STRN3: variants seen among roughly 807,000 people sequenced by gnomAD.
STRN3 encodes striatin-3.
STRN3 carries 29 observed loss-of-function variants against 95.6 expected under a neutral mutation model. The observed-to-expected ratio is 0.30, with a 90% CI of 0.23 to 0.41. The LOEUF is 0.41. Among genes scored for constraint, STRN3 ranks in the 10% least tolerant of loss-of-function variants. STRN3 has a pLI of 1.00. For synonymous variants in STRN3, 331 were observed against 357.6 expected (o/e 0.93, Z 0.84); for missense variants, 890 against 972.1 (o/e 0.92, Z 1.12).
chr14:30,992,866 T>C (rs1441858046), intron 1 of STRN3, among the ~76,000 whole-genome samples: 1 of 151,252 alleles, frequency 6.6e-6, no homozygotes, highest in African/African-American at 2.4e-5. Flanking sequence ...ACAAACAAAA[T>C]AGTGGGGAGG....
intron 7 of STRN3, among the ~76,000 whole-genome samples, chr14:30,934,751 T>A (rs1485298154): frequency 1.3e-5 from 2 of 152,200 alleles, no homozygotes; most frequent in African/African-American, 2.4e-5. Flanking sequence ...GACTAATTAC[T>A]AATTCTAGTA....
chr14:30,904,255 C>T (rs562465531), intron 15 of STRN3, among the ~76,000 whole-genome samples: 3 of 152,314 alleles, frequency 2.0e-5, no homozygotes, highest in African/African-American at 7.2e-5. Flanking sequence ...CTATCAACAA[C>T]AACCAAAGTC....
chr14:31,005,644 T>C (rs1882678555), intron 1 of STRN3, among the ~76,000 whole-genome samples: 2 of 152,196 alleles, frequency 1.3e-5, no homozygotes, highest in African/African-American at 4.8e-5. Context: ...CACTAACAGA[T>C]GACTTGAAGA....
chr14:30,936,351 A>G (rs998633809), intron 6 of STRN3, 144 bp downstream of exon 6: 1 of 926,432 alleles, frequency 1.1e-6, no homozygotes, highest in African/African-American at 1.7e-5. Flanking sequence ...GTGTAATGCA[A>G]AAAGAGCTGA....
chr14:30,960,868 C>CA (rs56227331), intron 1 of STRN3, among the ~76,000 whole-genome samples: 10,956 of 47,236 alleles, frequency 0.23, 1,332 homozygotes, highest in East Asian at 0.39. Context: ...GACTCCATCT[C>CA]AAAAAAAAAA....
At chr14:31,002,364 C>T (rs1882501221) in intron 1 of STRN3, among the ~76,000 whole-genome samples, 1 of 150,124 alleles carries the variant, frequency 6.7e-6, no homozygotes, top group Non-Finnish European at 1.5e-5. Context: ...CCCATCTACT[C>T]AGGAGGCTAA....
intron 13 of STRN3, among the ~76,000 whole-genome samples, chr14:30,910,100 C>CT (rs762060234): frequency 8.1e-4 from 124 of 152,268 alleles, no homozygotes; most frequent in Non-Finnish European, 1.4e-3. Context: ...ACACAGTCAC[C>CT]TTTTTAAAAC....
intron 1 of STRN3, 149 bp from the exon 2 acceptor site, chr14:30,956,391 A>G (rs536749726): frequency 5.6e-6 from 4 of 714,494 alleles, no homozygotes; most frequent in African/African-American, 5.3e-5. Flanking sequence ...AATGGCTCAC[A>G]CCTGTAATCT....
intron 1 of STRN3, among the ~76,000 whole-genome samples, chr14:30,995,980 C>G (rs1840397823): frequency 6.6e-6 from 1 of 152,180 alleles, no homozygotes; most frequent in Non-Finnish European, 1.5e-5. Context: ...ACCTCTAGCC[C>G]TTACGCCCAA....
At chr14:30,971,044 C>T (rs986922579) in intron 1 of STRN3, among the ~76,000 whole-genome samples, 4 of 152,264 alleles carry the variant, frequency 2.6e-5, no homozygotes, top group African/African-American at 7.2e-5. Flanking sequence ...CAGCCTCCAT[C>T]TCCCAACACT....
At chr14:30,895,850 A>G in intron 16 of STRN3, 102 bp from the exon 17 acceptor site, 1 of 976,132 alleles carries the variant, frequency 1.0e-6, no homozygotes, top group Non-Finnish European at 1.5e-6. Context: ...CATTATAGCA[A>G]CTTTTTTATT....
At chr14:30,916,786 A>G (rs1896751103) in intron 9 of STRN3, among the ~76,000 whole-genome samples, 1 of 152,210 alleles carries the variant, frequency 6.6e-6, no homozygotes, top group Admixed American at 6.5e-5. Flanking sequence ...ATCAAGTAAG[A>G]TAACAATACT....
At chr14:31,019,303 T>C (rs1024756886) in intron 1 of STRN3, among the ~76,000 whole-genome samples, 2 of 152,186 alleles carry the variant, frequency 1.3e-5, no homozygotes, top group African/African-American at 2.4e-5. Flanking sequence ...AGTGAGACCC[T>C]GTCTCTTAAA....
At chr14:30,947,883 G>C (rs1048716936) in intron 4 of STRN3, among the ~76,000 whole-genome samples, 1 of 152,158 alleles carries the variant, frequency 6.6e-6, no homozygotes, top group African/African-American at 2.4e-5. Flanking sequence ...ATGATACAAA[G>C]ATAATGAGTT....
chr14:30,934,470 T>C lies in STRN3; in HGVS notation c.988+693A>G, dbSNP rs143511417. Among the ~76,000 whole-genome samples the C allele has an allele frequency of 1.8e-3, 278 of 152,324 alleles. 5 individuals carry two copies. In the East Asian group the frequency reaches 0.032, roughly 18 times the overall value. ...TAGGAAAAACATAAATGACGTCAGC[T>C]ATTACCTTAAAATATTTTTACACTT... On this transcript the variant is annotated intron_variant, in intron 7 of 17. Transcript: ENST00000357479.
intron 8 of STRN3, among the ~76,000 whole-genome samples, chr14:30,927,249 A>C (rs1308715699): frequency 6.6e-6 from 1 of 152,104 alleles, no homozygotes; most frequent in Non-Finnish European, 1.5e-5. Flanking sequence ...GGAGAGTTTG[A>C]GGCTACAGTG....
rs570998494 is a variant in STRN3 at position 30,989,082 on chromosome 14, TAAAA to T, written c.283-32844_283-32841del. ...CAGGTAGATTCTTAACCTTCAAAAA[TAAAA>T]AGACTCATATGAAAAGGAATTTGAA... is the stretch of plus-strand genomic sequence containing the variant. On this transcript the variant is annotated intron_variant, in intron 1 of 17. Transcript: ENST00000357479. Among the ~76,000 whole-genome samples the T allele has an allele frequency of 7.2e-5, 11 of 152,176 alleles. No individual in the cohort carries two copies. The East Asian group carries it at 1.7e-3, about 24-fold the overall frequency.
At chr14:30,991,417 A>G (rs1403650843) in intron 1 of STRN3, among the ~76,000 whole-genome samples, 1 of 152,224 alleles carries the variant, frequency 6.6e-6, no homozygotes, top group Admixed American at 6.5e-5. Flanking sequence ...CTACTGTTAA[A>G]GATAAAGTAA....
chr14:30,969,852 A>T (rs1389117407), intron 1 of STRN3, among the ~76,000 whole-genome samples: 1 of 152,120 alleles, frequency 6.6e-6, no homozygotes, highest in Non-Finnish European at 1.5e-5. Flanking sequence ...CAGCCTGAAG[A>T]TCACCTTCTC....
Sources: gnomAD v4.1 joint callset for allele counts (sites outside exome capture counted in the v4.1 genomes callset) on GRCh38, gnomAD v4.1.1 for gene constraint, MANE v1.5 for transcripts, NCBI Gene and HGNC (gene_info 2026-07-23, HGNC 2026-07-21) for gene names.